The following LRGUK variants were observed in gnomAD, a reference collection of about 807,000 sequenced individuals.
LRGUK encodes leucine-rich repeat and guanylate kinase domain-containing protein.
In LRGUK, 65 loss-of-function variants were observed where a neutral mutation model predicts 76.0. The observed-to-expected ratio is 0.85, with a 90% CI of 0.70 to 1.05. LRGUK has a LOEUF of 1.05. LRGUK is among the 50% of genes least tolerant of loss of function. The pLI, the probability that LRGUK is intolerant of heterozygous loss-of-function variation, is 0.00. For synonymous variants in LRGUK, 268 were observed against 265.6 expected (o/e 1.01, Z -0.09); for missense variants, 758 against 732.8 (o/e 1.03, Z -0.40).
intron 10 of LRGUK, among the ~76,000 whole-genome samples, chr7:134,179,425 G>A (rs535424400): frequency 6.6e-6 from 1 of 152,186 alleles, no homozygotes; most frequent in South Asian, 2.1e-4. Flanking sequence ...TACTTCACAT[G>A]GCTGGTTTCC....
intron 4 of LRGUK, among the ~76,000 whole-genome samples, chr7:134,143,375 G>T (rs1797847129): frequency 6.6e-6 from 1 of 152,120 alleles, no homozygotes; most frequent in African/African-American, 2.4e-5. Flanking sequence ...TGGAAGCTTT[G>T]TTCAAACCTA....
chr7:134,232,082 C>T (rs1490863608), intron 16 of LRGUK, among the ~76,000 whole-genome samples: 2 of 152,116 alleles, frequency 1.3e-5, no homozygotes, highest in Non-Finnish European at 2.9e-5. Context: ...GACACTAGAA[C>T]AATATGGGCC....
intron 16 of LRGUK, among the ~76,000 whole-genome samples, chr7:134,231,286 A>G (rs1801882977): frequency 6.6e-6 from 1 of 152,274 alleles, no homozygotes; most frequent in East Asian, 1.9e-4. Flanking sequence ...GTAAGAAAGT[A>G]GTGTCTGTGG....
chr7:134,191,253 G>GA (rs1156241131), intron 11 of LRGUK, among the ~76,000 whole-genome samples: 1 of 152,204 alleles, frequency 6.6e-6, no homozygotes, highest in Admixed American at 6.5e-5. Flanking sequence ...TGAGTTCTGA[G>GA]AAACAAGTAG....
chr7:134,201,587 A>G lies in LRGUK; in HGVS notation c.1843+11A>G. ...TGGCTACAACTGCAGGTACTATTCTATCATTTTTGTGCCAGGATTTTTTTT... is the reference window on the plus strand; with the variant it reads ...TGGCTACAACTGCAGGTACTATTCTGTCATTTTTGTGCCAGGATTTTTTTT... On this transcript the variant is annotated intron_variant, in intron 15 of 15. Coordinates refer to ENST00000645682, the Ensembl canonical transcript of LRGUK. 1 of 1,587,556 alleles carries G rather than the reference A, an allele frequency of 6.3e-7. No individual in the cohort carries two copies. The highest frequency in any genetic ancestry group is 1.2e-5 in the South Asian group (1 of 85,276).
intron 16 of LRGUK, among the ~76,000 whole-genome samples, chr7:134,233,374 A>G (rs1185728363): frequency 6.6e-6 from 1 of 152,238 alleles, no homozygotes; most frequent in Non-Finnish European, 1.5e-5. Context: ...CCCTGAAGCA[A>G]GCCAAGTCAC....
intron 6 of LRGUK, among the ~76,000 whole-genome samples, chr7:134,162,058 G>GT (rs1436389983): frequency 6.6e-6 from 1 of 152,118 alleles, no homozygotes; most frequent in Non-Finnish European, 1.5e-5. Flanking sequence ...TTAAATCTTC[G>GT]TTTTATTCTG....
chr7:134,199,270 G>T (rs202013672), exon 14 of LRGUK: 9 of 1,613,788 alleles, frequency 5.6e-6, no homozygotes, highest in Non-Finnish European at 7.6e-6. Flanking sequence ...ATATCCTGGT[G>T]GTGCCCATGA....
chr7:134,258,339 G>A, exon 19 of LRGUK: 1 of 1,614,108 alleles, frequency 6.2e-7, no homozygotes, highest in Non-Finnish European at 8.5e-7. Flanking sequence ...CCAGCCTCCG[G>A]AGGGGAGCAT....
chr7:134,161,107 T>C (rs1798712349), intron 6 of LRGUK, among the ~76,000 whole-genome samples: 2 of 152,192 alleles, frequency 1.3e-5, no homozygotes, highest in African/African-American at 4.8e-5. Flanking sequence ...TTACAGTCTA[T>C]CTACCACACC....
At chr7:134,152,625 A>G (rs1418638890) in intron 5 of LRGUK, among the ~76,000 whole-genome samples, 1 of 152,072 alleles carries the variant, frequency 6.6e-6, no homozygotes, top group Non-Finnish European at 1.5e-5. Context: ...AGATCTTTTT[A>G]CCTTGTTTGT....
In LRGUK at chr7:134,221,805, G is replaced by T; in HGVS notation, c.1870G>T (p.Glu624Ter). Residue 624 changes from glutamate to a stop codon, truncating the protein, a stop_gained, in exon 16 of 20, where the codon GAA becomes TAA. Coordinates refer to the LRGUK transcript ENST00000285928. LOFTEE classifies it high-confidence loss of function. The stretch of plus-strand genomic sequence containing the variant: ...TGTTAAGACATCCCACCTGAAACCT[G>T]AAGCGCATCCTACAAAGTATATTTC... 1 of 1,566,296 alleles carries T rather than the reference G, an allele frequency of 6.4e-7. No individual in the cohort carries two copies. The highest frequency in any genetic ancestry group is 8.6e-7 in the Non-Finnish European group (1 of 1,158,786).
At chr7:134,150,263 C>G (rs765246773) in intron 5 of LRGUK, among the ~76,000 whole-genome samples, 1 of 146,034 alleles carries the variant, frequency 6.8e-6, no homozygotes, top group Non-Finnish European at 1.5e-5. Context: ...CTACAGAGCC[C>G]GAGACTCTGT....
At position 134,261,291 on chromosome 7, in the gene LRGUK, A is replaced by AT. The variant is rs36065624; in HGVS notation, c.2348-2543dup. On this transcript the variant is annotated intron_variant, in intron 19 of 19. Transcript: ENST00000285928. ...CCATCATCCCATATATGTGAAGTTG[A>AT]TTTTTTTTTTTACATAAATGTAACT... Among the ~76,000 whole-genome samples the AT allele has an allele frequency of 3.0e-3, 446 of 149,318 alleles. 3 individuals carry two copies. Among genetic ancestry groups the AT allele is most frequent in the South Asian group, 0.015 (69 of 4,676 alleles).
In LRGUK at chr7:134,191,782, C is replaced by T. The variant is rs770986054; in HGVS notation, c.1431+31C>T. On this transcript the variant is annotated intron_variant, in intron 12 of 15. Transcript: ENST00000645682. ...AATGTTTGCCTTTGTTTTTATTGCA[C>T]AAGAAATACACGTTCTCTGGCAAAA... 27 of 1,371,228 alleles carry T rather than the reference C, an allele frequency of 2.0e-5. No individual in the cohort carries two copies. The Admixed American group carries it at 3.3e-4, about 17-fold the overall frequency. The allele number at this position is 1,371,228 out of a possible 1,614,324, so 84.9% of individuals were successfully genotyped here.
chr7:134,192,492 A>T (rs1201429988), intron 12 of LRGUK, among the ~76,000 whole-genome samples: 1 of 152,074 alleles, frequency 6.6e-6, no homozygotes, highest in African/African-American at 2.4e-5. Context: ...TTTTACTGAA[A>T]CCCTGACAAT....
At chr7:134,139,323 T>C (rs1382228273) in intron 2 of LRGUK, 113 bp from the exon 3 acceptor site, 2 of 691,194 alleles carry the variant, frequency 2.9e-6, no homozygotes, top group Admixed American at 3.1e-5. Flanking sequence ...CTCTCTCTTC[T>C]TCTATACTTG....
downstream of LRGUK, among the ~76,000 whole-genome samples, chr7:134,213,198 T>G (rs73441355): frequency 0.01 from 1,570 of 152,198 alleles, 34 homozygotes; most frequent in African/African-American, 0.037. Flanking sequence ...ACCGAAGAGC[T>G]TGGAAACTTG....
intron 16 of LRGUK, among the ~76,000 whole-genome samples, chr7:134,245,340 G>C (rs186601176): frequency 2.0e-4 from 30 of 152,230 alleles, no homozygotes; most frequent in African/African-American, 7.0e-4. Flanking sequence ...ATATTTTTCA[G>C]CTGTCTTGGC....
Sources: gnomAD v4.1 joint callset for allele counts (sites outside exome capture counted in the v4.1 genomes callset) on GRCh38, gnomAD v4.1.1 for gene constraint, MANE v1.5 for transcripts, NCBI Gene and HGNC (gene_info 2026-07-23, HGNC 2026-07-21) for gene names.